Variants in MINPP1 observed in about 807,000 individuals in gnomAD.
MINPP1 encodes multiple inositol-polyphosphate phosphatase 1.
In MINPP1, 28 loss-of-function variants were observed where a neutral mutation model predicts 46.1. The ratio of observed to expected loss-of-function variants is 0.61; its 90% CI spans 0.45 to 0.83. The LOEUF is 0.83. MINPP1 is among the 40% of genes least tolerant of loss of function. The pLI is 0.00. For synonymous variants in MINPP1, 268 were observed against 249.1 expected (o/e 1.08, Z -0.72); for missense variants, 603 against 610.0 (o/e 0.99, Z 0.12).
At chr10:87,507,570 T>C (rs1029840778) in intron 1 of MINPP1, among the ~76,000 whole-genome samples, 9 of 152,170 alleles carry the variant, frequency 5.9e-5, no homozygotes, top group Non-Finnish European at 1.3e-4. Flanking sequence ...ACAAAAATGA[T>C]ATACTTGGTG....
rs746448394 is a variant in MINPP1 at position 87,521,119 on chromosome 10, G to A, written c.1017G>A (p.Leu339=). Residue 339 remains leucine (L), a synonymous_variant, in exon 4 of 5, where the codon TTG becomes TTA. Coordinates refer to ENST00000371996, the MANE Select transcript of MINPP1 (RefSeq NM_004897.5). ...YTINSRSSCT[L]FQDIFQHLDK... ...TTAACAGTCGATCCAGCTGCACCTTGTTTCAGGATATCTTTCAGCACTTGG... is the reference window on the plus strand; with the variant it reads ...TTAACAGTCGATCCAGCTGCACCTTATTTCAGGATATCTTTCAGCACTTGG... 1.3e-4 allele frequency: 212 copies of A among 1,609,732 alleles called. 1 individual carries two copies. The highest frequency in any genetic ancestry group is 6.7e-5 in the East Asian group (3 of 44,736).
chr10:87,552,026 C>A (rs1564685563), intron 4 of MINPP1, 56 bp from the exon 5 acceptor site: 1 of 1,353,266 alleles, frequency 7.4e-7, no homozygotes, highest in Non-Finnish European at 1.0e-6. Context: ...AGTGTAAATA[C>A]TATGTTCTAT....
intron 3 of MINPP1, among the ~76,000 whole-genome samples, chr10:87,514,532 G>C (rs973323820): frequency 6.6e-6 from 1 of 151,992 alleles, no homozygotes; most frequent in Non-Finnish European, 1.5e-5. Context: ...TTTGTCCTTC[G>C]TACATTGGCG....
chr10:87,538,484 A>G (rs1425706581), intron 4 of MINPP1, among the ~76,000 whole-genome samples: 1 of 152,218 alleles, frequency 6.6e-6, no homozygotes, highest in Non-Finnish European at 1.5e-5. Flanking sequence ...TTAAGGTAGG[A>G]CAGTAAATCT....
intron 4 of MINPP1, among the ~76,000 whole-genome samples, chr10:87,525,005 A>C (rs189972807): frequency 6.6e-6 from 1 of 152,070 alleles, no homozygotes; most frequent in East Asian, 1.9e-4. Context: ...GTGATACACA[A>C]AATGAGCACG....
intron 2 of MINPP1, chr10:87,509,768 T>A (rs1209659899): frequency 3.4e-6 from 1 of 293,718 alleles, no homozygotes; most frequent in Non-Finnish European, 7.0e-6. Flanking sequence ...AAAATTCTAT[T>A]TTTATGCAAC....
intron 4 of MINPP1, among the ~76,000 whole-genome samples, chr10:87,524,152 C>T (rs910166772): frequency 6.6e-6 from 1 of 152,212 alleles, no homozygotes; most frequent in Admixed American, 6.5e-5. Context: ...CATTGAAAAT[C>T]TGCTTAGTAT....
chr10:87,510,412 A>G (rs1419974237), intron 2 of MINPP1, among the ~76,000 whole-genome samples: 4 of 152,352 alleles, frequency 2.6e-5, no homozygotes, highest in East Asian at 1.9e-4. Context: ...TTGTAAGTCA[A>G]TGCTAGTTAA....
In MINPP1 at chr10:87,507,791, C is replaced by G. The variant is rs138586089; in HGVS notation, c.638-545C>G. 115 of 985,066 alleles carry G rather than the reference C, an allele frequency of 1.2e-4. No individual in the cohort carries two copies. In the African/African-American group the frequency reaches 2.0e-3, roughly 17 times the overall value. The allele number at this position is 985,066 out of a possible 1,614,324, so 61.0% of individuals were successfully genotyped here. On this transcript the variant is annotated intron_variant, in intron 1 of 4. Transcript: ENST00000371996. ...TTCAGTTAAAAGATAAACCAATTCA[C>G]AGGCCCAGCACAGTGAAGCACAGGA...
intron 4 of MINPP1, among the ~76,000 whole-genome samples, chr10:87,538,615 G>T (rs916554932): frequency 6.6e-6 from 1 of 152,166 alleles, no homozygotes; most frequent in South Asian, 2.1e-4. Context: ...TGTTGGATTG[G>T]TGCTTCTCCA....
intron 4 of MINPP1, among the ~76,000 whole-genome samples, chr10:87,551,266 T>A (rs1851959153): frequency 6.6e-6 from 1 of 152,052 alleles, no homozygotes; most frequent in African/African-American, 2.4e-5. Flanking sequence ...TGCACTAAAT[T>A]GATAACCTGA....
At position 87,508,370 on chromosome 10, in the gene MINPP1, A is replaced by G; in HGVS notation, c.672A>G (p.Lys224=). ...MEFGPPTVND[K]LMRFFDHCEK... is the part of the protein sequence containing the mutation. ...TTGGACCTCCAACAGTTAATGATAA[A>G]CTAATGAGATTTTTTGATCACTGTG... Residue 224 remains lysine (K), a synonymous_variant, in exon 2 of 5, where the codon AAA becomes AAG. Transcript: ENST00000371996. The G allele has an allele frequency of 5.6e-6, 9 of 1,613,138 alleles. 1 individual carries two copies. Among genetic ancestry groups the G allele is most frequent in the Non-Finnish European group, 7.6e-6 (9 of 1,179,724 alleles).
intron 4 of MINPP1, among the ~76,000 whole-genome samples, chr10:87,548,580 G>A (rs1334931206): frequency 6.6e-6 from 1 of 151,976 alleles, no homozygotes; most frequent in Non-Finnish European, 1.5e-5. Context: ...TAATTATTAT[G>A]AATGAAATTG....
intron 4 of MINPP1, among the ~76,000 whole-genome samples, chr10:87,545,486 CA>C (rs547462745): frequency 5.4e-5 from 8 of 148,072 alleles, no homozygotes; most frequent in African/African-American, 1.5e-4. Context: ...TATTGTCAAG[CA>C]AAAAAAAATA....
chr10:87,542,328 T>A (rs1034341119), intron 4 of MINPP1, among the ~76,000 whole-genome samples: 10 of 144,556 alleles, frequency 6.9e-5, no homozygotes, highest in Non-Finnish European at 1.1e-4. Flanking sequence ...TTTTTTTTTT[T>A]AAACAGAGTC....
In MINPP1 at chr10:87,537,511, T is replaced by TCTGTGTGTGTG. The variant is rs113605763; in HGVS notation, c.1068-14571_1068-14570insCTGTGTGTGTG. Among the ~76,000 whole-genome samples the TCTGTGTGTGTG allele has an allele frequency of 5.1e-3, 432 of 85,176 alleles. 7 individuals are homozygous for TCTGTGTGTGTG. The highest frequency in any genetic ancestry group is 9.3e-3 in the African/African-American group (305 of 32,630). 55.9% of individuals were successfully genotyped at this position (85,176 alleles called of 152,430 possible). On this transcript the variant is annotated intron_variant, in intron 4 of 4. Coordinates refer to ENST00000371996, the MANE Select transcript of MINPP1 (RefSeq NM_004897.5). Reference sequence around the variant, plus strand: ...TTAATTGGGTTATCTTTATTACTGTTTGTGTGTGTGTGTGTGTGTGTGTGT... The same window carrying TCTGTGTGTGTG: ...TTAATTGGGTTATCTTTATTACTGTTCTGTGTGTGTGTGTGTGTGTGTGTGTGTGTGTGTGT...
intron 4 of MINPP1, among the ~76,000 whole-genome samples, chr10:87,530,183 C>T (rs913675342): frequency 6.6e-6 from 1 of 151,972 alleles, no homozygotes; most frequent in African/African-American, 2.4e-5. Context: ...TTTGTTATTA[C>T]CAATCGTCTG....
intron 4 of MINPP1, among the ~76,000 whole-genome samples, chr10:87,536,407 A>G (rs1040798439): frequency 2.6e-5 from 4 of 152,190 alleles, no homozygotes; most frequent in Non-Finnish European, 4.4e-5. Context: ...GTGTTTTTTA[A>G]TAACTCGATT....
intron 2 of MINPP1, among the ~76,000 whole-genome samples, chr10:87,512,364 T>G (rs1277689310): frequency 6.6e-6 from 1 of 152,156 alleles, no homozygotes; most frequent in Non-Finnish European, 1.5e-5. Flanking sequence ...TACCAACATT[T>G]CTCTCTTTAG....
Sources: allele counts gnomAD v4.1 joint callset (sites outside exome capture counted in the v4.1 genomes callset), GRCh38; gene constraint gnomAD v4.1.1; transcripts MANE v1.5; gene names NCBI Gene and HGNC (gene_info 2026-07-23, HGNC 2026-07-21).